KLRG1: variants seen among roughly 807,000 people sequenced by gnomAD.
KLRG1 encodes the protein killer cell lectin-like receptor subfamily G member 1.
Under a neutral mutation model 21.8 loss-of-function variants are expected in KLRG1, and 16 were observed. That is an observed-to-expected ratio of 0.73 (90% CI 0.50 to 1.11). The LOEUF is 1.11. KLRG1 is among the 50% of genes most tolerant of loss of function. The probability of loss-of-function intolerance (pLI) is 0.00; values close to 1 mark genes in which losing one functional copy is unlikely to be tolerated. For missense variants in KLRG1, 173 were observed against 218.3 expected (o/e 0.79, Z 1.31); for synonymous variants, 69 against 75.9 (o/e 0.91, Z 0.47).
intron 1 of KLRG1, among the ~76,000 whole-genome samples, chr12:8,984,258 C>T (rs1946806635): frequency 1.3e-5 from 2 of 151,854 alleles, no homozygotes; most frequent in Admixed American, 6.6e-5. Context: ...GCTGGAGTGC[C>T]GTAGTGCAAT....
At chr12:9,072,260 G>A in the KLRG1 span, 1 of 1,392,222 alleles carries the variant, frequency 7.2e-7, no homozygotes, top group Non-Finnish European at 9.9e-7. Context: ...TGTGAATAGT[G>A]CAAATATCTA....
chr12:9,163,176 T>A, the KLRG1 span, among the ~76,000 whole-genome samples: 1 of 150,528 alleles, frequency 6.6e-6, no homozygotes, highest in Admixed American at 6.6e-5. Context: ...GAGGTGGAGA[T>A]CAAGAAATTG....
chr12:9,166,034 GA>G, the KLRG1 span: 4 of 1,586,042 alleles, frequency 2.5e-6, no homozygotes, highest in Non-Finnish European at 3.4e-6. Flanking sequence ...GCAAATGGAG[GA>G]AAGTAAAGTT....
At chr12:9,073,913 C>G in the KLRG1 span, among the ~76,000 whole-genome samples, 2 of 151,978 alleles carry the variant, frequency 1.3e-5, no homozygotes, top group Non-Finnish European at 2.9e-5. Context: ...CATGGCAAAA[C>G]CTCGTCTCTA....
intron 3 of KLRG1, among the ~76,000 whole-genome samples, chr12:9,004,206 T>C (rs918735479): frequency 1.4e-4 from 22 of 152,230 alleles, no homozygotes; most frequent in Non-Finnish European, 2.5e-4. Flanking sequence ...TATAGTCCTT[T>C]GGGAATATAC....
At chr12:9,008,922 ATTGT>A in intron 3 of KLRG1, 49 bp from the exon 4 acceptor site, 3 of 1,178,712 alleles carry the variant, frequency 2.5e-6, no homozygotes, top group Admixed American at 2.0e-5. Flanking sequence ...GAAAGGAATA[ATTGT>A]TTGACTGTGA....
At chr12:9,157,037 A>G in the KLRG1 span, 1 of 699,640 alleles carries the variant, frequency 1.4e-6, no homozygotes, top group South Asian at 2.8e-5. Context: ...TCACCTGGTT[A>G]TTAGGTCCCC....
the KLRG1 span, among the ~76,000 whole-genome samples, chr12:9,129,022 G>C: frequency 1.1e-4 from 16 of 152,126 alleles, no homozygotes; most frequent in Non-Finnish European, 2.2e-4. Flanking sequence ...GCTTGCTTTT[G>C]AATGTTACCA....
chr12:9,205,461 T>C, the KLRG1 span, among the ~76,000 whole-genome samples: 1 of 152,170 alleles, frequency 6.6e-6, no homozygotes, highest in African/African-American at 2.4e-5. Flanking sequence ...TGCTGTAAGG[T>C]ACATGCATGA....
At chr12:9,001,808 G>A (rs1947316466) in intron 3 of KLRG1, among the ~76,000 whole-genome samples, 1 of 152,112 alleles carries the variant, frequency 6.6e-6, no homozygotes, top group Non-Finnish European at 1.5e-5. Flanking sequence ...TTCAGCCATG[G>A]GTTTGGTGGG....
chr12:9,203,899 C>G, the KLRG1 span: 1 of 1,614,092 alleles, frequency 6.2e-7, no homozygotes, highest in South Asian at 1.1e-5. Flanking sequence ...AGGACACAGC[C>G]CTTCTTAGGG....
the KLRG1 span, chr12:9,163,994 T>A: frequency 7.9e-7 from 1 of 1,263,052 alleles, no homozygotes; most frequent in Non-Finnish European, 1.1e-6. Flanking sequence ...GAGGAGGTCA[T>A]AGTGGATAGA....
At chr12:9,107,056 A>G in the KLRG1 span, among the ~76,000 whole-genome samples, 1 of 152,172 alleles carries the variant, frequency 6.6e-6, no homozygotes, top group African/African-American at 2.4e-5. Context: ...TACACAGTAC[A>G]TCTGCTCTTG....
chr12:9,129,145 A>G, the KLRG1 span, among the ~76,000 whole-genome samples: 1 of 152,240 alleles, frequency 6.6e-6, no homozygotes, highest in Non-Finnish European at 1.5e-5. Context: ...CACATCGGGC[A>G]TATCCTAGGC....
chr12:9,120,676 G>A, the KLRG1 span, among the ~76,000 whole-genome samples: 2 of 152,146 alleles, frequency 1.3e-5, no homozygotes, highest in African/African-American at 2.4e-5. Flanking sequence ...ATATTAACTA[G>A]TATCAAAAAC....
chr12:9,046,339 G>T, the KLRG1 span, among the ~76,000 whole-genome samples: 4 of 152,188 alleles, frequency 2.6e-5, no homozygotes, highest in Admixed American at 1.3e-4. Flanking sequence ...AGGAATACTT[G>T]AAGTAATAAT....
chr12:9,076,535 C>G, the KLRG1 span, among the ~76,000 whole-genome samples: 1 of 152,116 alleles, frequency 6.6e-6, no homozygotes, highest in East Asian at 1.9e-4. Context: ...GGATATAACC[C>G]CATCGTAATT....
the KLRG1 span, chr12:9,109,998 A>G: frequency 9.3e-6 from 15 of 1,613,548 alleles, no homozygotes; most frequent in Non-Finnish European, 1.3e-5. Context: ...CTCTAACTGG[A>G]AACTCTGCCA....
upstream of KLRG1, among the ~76,000 whole-genome samples, chr12:8,985,150 G>A (rs903215972): frequency 2.1e-5 from 3 of 142,496 alleles, no homozygotes; most frequent in South Asian, 2.3e-4. Flanking sequence ...GTTTTCCTCT[G>A]GTCTATGACA....
Sources: allele counts gnomAD v4.1 joint callset (sites outside exome capture counted in the v4.1 genomes callset), GRCh38; gene constraint gnomAD v4.1.1; transcripts MANE v1.5; gene names NCBI Gene and HGNC (gene_info 2026-07-23, HGNC 2026-07-21).